SOX6: variants seen among roughly 807,000 people sequenced by gnomAD.
SOX6 encodes the protein transcription factor SOX-6.
A neutral mutation model predicts 97.8 loss-of-function variants in SOX6; 11 were observed. That is an observed-to-expected ratio of 0.11 (90% CI 0.07 to 0.19). The LOEUF is 0.19. Among genes scored for constraint, SOX6 ranks in the 10% least tolerant of loss-of-function variants. The pLI is 1.00. For synonymous variants in SOX6, 360 were observed against 371.4 expected, an observed-to-expected ratio of 0.97 and a Z score of 0.35; for missense variants, 810 against 1,039.5, an observed-to-expected ratio of 0.78 and a Z score of 3.04.
intron 12 of SOX6, among the ~76,000 whole-genome samples, chr11:16,027,758 A>C (rs1318803052): frequency 1.3e-5 from 2 of 152,212 alleles, no homozygotes; most frequent in Non-Finnish European, 2.9e-5. Context: ...CATATGAGAG[A>C]GGGGCACGTG....
At chr11:16,218,904 T>G (rs1474100856) in intron 4 of SOX6, among the ~76,000 whole-genome samples, 1 of 152,064 alleles carries the variant, frequency 6.6e-6, no homozygotes, top group Non-Finnish European at 1.5e-5. Context: ...CCGTGAAACA[T>G]GTACTTTTCT....
intron 2 of SOX6, among the ~76,000 whole-genome samples, chr11:16,331,181 A>G (rs922017392): frequency 4.6e-5 from 7 of 152,024 alleles, no homozygotes; most frequent in South Asian, 2.1e-4. Context: ...TGACACCCAT[A>G]CTGTTTGTTG....
chr11:16,237,674 C>T (rs1318140445), intron 3 of SOX6, among the ~76,000 whole-genome samples: 1 of 151,672 alleles, frequency 6.6e-6, no homozygotes, highest in East Asian at 1.9e-4. Context: ...TGTAAGATTC[C>T]AAATGGAAAA....
chr11:16,645,047 C>A (rs1436621658), intron 3 of SOX6, among the ~76,000 whole-genome samples: 14 of 152,174 alleles, frequency 9.2e-5, no homozygotes, highest in Non-Finnish European at 1.5e-5. Context: ...GGGGCTCTTT[C>A]AGCCTTCATG....
At chr11:16,234,552 T>C (rs1852958658) in intron 4 of SOX6, 30 bp downstream of exon 4, 2 of 1,284,560 alleles carry the variant, frequency 1.6e-6, no homozygotes, top group African/African-American at 1.5e-5. Flanking sequence ...CATCACTGCA[T>C]TGACATGTTC....
upstream of SOX6, among the ~76,000 whole-genome samples, chr11:16,358,058 A>G (rs2134370819): frequency 6.6e-6 from 1 of 152,286 alleles, no homozygotes; most frequent in East Asian, 1.9e-4. Context: ...TAGTTGACTG[A>G]AGGTCACAGC....
chr11:16,584,965 A>T (rs889693773), intron 4 of SOX6, among the ~76,000 whole-genome samples: 10 of 152,224 alleles, frequency 6.6e-5, no homozygotes, highest in Non-Finnish European at 1.2e-4. Context: ...TCACAAATCT[A>T]GCCCTGAGAA....
intron 13 of SOX6, among the ~76,000 whole-genome samples, chr11:16,000,720 G>C (rs1036123904): frequency 2.0e-5 from 3 of 152,046 alleles, no homozygotes; most frequent in African/African-American, 7.3e-5. Context: ...ATGACAGTGT[G>C]TGTGTGTGTG....
chr11:16,363,802 T>TAA lies in SOX6; in HGVS notation c.-4-22552_-4-22551dup, dbSNP rs113077220. ...AATAAGATTTGAATGAGCTTAAAGA[T>TAA]AAAAAAAAAAAGTACGTTAGAAGTT... On this transcript the variant is annotated intron_variant, in intron 1 of 15. Coordinates refer to the SOX6 transcript ENST00000396356. 6.2e-4 allele frequency among the ~76,000 whole-genome samples: 92 copies of TAA among 147,494 alleles called. 1 individual carries two copies. The highest frequency in any genetic ancestry group is 8.5e-4 in the South Asian group (4 of 4,692).
intron 3 of SOX6, among the ~76,000 whole-genome samples, chr11:16,672,695 A>T (rs1213121569): frequency 6.6e-6 from 1 of 152,216 alleles, no homozygotes; most frequent in East Asian, 1.9e-4. Flanking sequence ...GAGAGTTACA[A>T]TTCAAGATGA....
chr11:16,689,145 TG>T (rs1392348720), intron 3 of SOX6, among the ~76,000 whole-genome samples: 12 of 152,218 alleles, frequency 7.9e-5, no homozygotes, highest in African/African-American at 2.9e-4. Context: ...ATTCTTTCCC[TG>T]GACGAGAATA....
At chr11:16,179,661 C>A (rs1232397380) in intron 6 of SOX6, among the ~76,000 whole-genome samples, 1 of 151,760 alleles carries the variant, frequency 6.6e-6, no homozygotes, top group African/African-American at 2.4e-5. Context: ...GAAAACAAGG[C>A]ACTAAAAATT....
chr11:16,036,803 AGT>A (rs1242119528), intron 12 of SOX6, among the ~76,000 whole-genome samples: 1 of 152,160 alleles, frequency 6.6e-6, no homozygotes, highest in East Asian at 1.9e-4. Context: ...AAAACAACAC[AGT>A]GTGTTTTCAA....
At chr11:16,500,041 C>G (rs1727985628) in intron 4 of SOX6, among the ~76,000 whole-genome samples, 1 of 152,178 alleles carries the variant, frequency 6.6e-6, no homozygotes, top group African/African-American at 2.4e-5. Flanking sequence ...CCCTGATGAA[C>G]ATCAATGCAA....
chr11:16,712,574 T>C (rs1165250242), intron 3 of SOX6, among the ~76,000 whole-genome samples: 1 of 152,222 alleles, frequency 6.6e-6, no homozygotes, highest in Non-Finnish European at 1.5e-5. Context: ...ATTCATGTCC[T>C]TAGTTACTAG....
chr11:16,487,494 A>AG (rs1860456035), intron 4 of SOX6, among the ~76,000 whole-genome samples: 1 of 152,226 alleles, frequency 6.6e-6, no homozygotes, highest in African/African-American at 2.4e-5. Flanking sequence ...CATATCCAGA[A>AG]AGAGGAGAGG....
chr11:16,188,229 C>CAAAAAAAA (rs5789943), intron 4 of SOX6, among the ~76,000 whole-genome samples: 1 of 113,598 alleles, frequency 8.8e-6, no homozygotes, highest in Non-Finnish European at 1.9e-5. Context: ...AACTCAGGTC[C>CAAAAAAAA]AAAAAAAAAA....
chr11:16,063,539 T>A (rs1248827260), intron 9 of SOX6, among the ~76,000 whole-genome samples: 1 of 90,280 alleles, frequency 1.1e-5, no homozygotes, highest in East Asian at 3.3e-4. Flanking sequence ...TATATATATA[T>A]ATATATATAT....
intron 1 of SOX6, among the ~76,000 whole-genome samples, chr11:16,381,791 A>C (rs1857829982): frequency 6.6e-6 from 1 of 151,782 alleles, no homozygotes; most frequent in African/African-American, 2.4e-5. Context: ...TCCCTCCCAA[A>C]ACCCAAACAT....
Sources: gnomAD v4.1 joint callset for allele counts (sites outside exome capture counted in the v4.1 genomes callset) on GRCh38, gnomAD v4.1.1 for gene constraint, MANE v1.5 for transcripts, NCBI Gene and HGNC (gene_info 2026-07-23, HGNC 2026-07-21) for gene names.